The following RAD52 variants were observed in gnomAD, a reference collection of about 807,000 sequenced individuals.
RAD52 encodes RAD52 DNA repair protein, also known as DNA repair protein RAD52 homolog.
Under a neutral mutation model 55.5 loss-of-function variants are expected in RAD52, and 47 were observed. The ratio of observed to expected loss-of-function variants is 0.85; its 90% CI spans 0.67 to 1.08. The LOEUF is 1.08. Ranked by LOEUF, RAD52 falls within the 50% of genes least tolerant of loss-of-function variation. The probability of loss-of-function intolerance (pLI) is 0.00; values close to 1 mark genes in which losing one functional copy is unlikely to be tolerated. For missense variants in RAD52, 468 were observed against 522.8 expected, an observed-to-expected ratio of 0.90 and a Z score of 1.02; for synonymous variants, 184 against 198.9, an observed-to-expected ratio of 0.92 and a Z score of 0.63.
intron 1 of RAD52, among the ~76,000 whole-genome samples, chr12:946,717 CTTAT>C (rs1378876784): frequency 1.3e-5 from 2 of 152,158 alleles, no homozygotes; most frequent in African/African-American, 4.8e-5. Context: ...CAAAATAACA[CTTAT>C]GAACAGTTTT....
At chr12:981,439 A>C (rs1959013724) in intron 1 of RAD52, among the ~76,000 whole-genome samples, 2 of 152,176 alleles carry the variant, frequency 1.3e-5, no homozygotes, top group Non-Finnish European at 2.9e-5. Context: ...ATTCTGCGGC[A>C]AAGTTCCTTT....
intron 1 of RAD52, among the ~76,000 whole-genome samples, chr12:973,165 GT>G: frequency 6.6e-6 from 1 of 152,196 alleles, no homozygotes; most frequent in Middle Eastern, 3.4e-3. Flanking sequence ...CCCCTCCCGG[GT>G]TGACACCATT....
chr12:981,672 G>A (rs569745531), intron 1 of RAD52, among the ~76,000 whole-genome samples: 3 of 151,542 alleles, frequency 2.0e-5, no homozygotes, highest in South Asian at 2.1e-4. Flanking sequence ...CAGGATAATC[G>A]CTCGAGCCCA....
At chr12:936,847 C>G (rs927534082) in intron 1 of RAD52, 4 of 152,206 alleles carry the variant, frequency 2.6e-5, no homozygotes, top group African/African-American at 9.7e-5. Flanking sequence ...GTCCTTGAGG[C>G]CCTTGGTCAC....
chr12:940,589 G>C (rs535356804), intron 1 of RAD52, among the ~76,000 whole-genome samples: 4 of 151,846 alleles, frequency 2.6e-5, no homozygotes, highest in Non-Finnish European at 4.4e-5. Context: ...CTCCAGCCTG[G>C]AGACAGAGCA....
chr12:935,722 G>A (rs113654178), intron 1 of RAD52, among the ~76,000 whole-genome samples: 21,125 of 151,292 alleles, frequency 0.14, 1,656 homozygotes, highest in East Asian at 0.36. Flanking sequence ...GTGTGGTGGT[G>A]CATGCCTGTA....
Position 932,833 on chromosome 12 carries a change from CGT to C in RAD52, c.84+140_84+141del, listed in dbSNP as rs1233792958. 1.0e-3 allele frequency: 653 copies of C among 645,416 alleles called. 10 individuals are homozygous for C. The East Asian group carries it at 0.014, about 14-fold the overall frequency. The allele number at this position is 645,416 out of a possible 1,614,324, so 40.0% of individuals were successfully genotyped here. A position where few individuals can be genotyped will look rare whatever the true frequency, so the allele number is the denominator to read the frequency against. ...ACTGCTCACACACGTACTAGGTAAA[CGT>C]ACTAGGTACTGCTCACACACGTACT... On this transcript the variant is annotated intron_variant, in intron 2 of 11. Transcript: ENST00000358495.
chr12:958,758 G>T (rs1172750597), intron 1 of RAD52, among the ~76,000 whole-genome samples: 1 of 152,328 alleles, frequency 6.6e-6, no homozygotes, highest in East Asian at 1.9e-4. Flanking sequence ...GGGTCCTGCA[G>T]GGTGCGTGTG....
At chr12:949,891 G>A (rs1296378348), upstream of RAD52, among the ~76,000 whole-genome samples, 2 of 152,318 alleles carry the variant, frequency 1.3e-5, no homozygotes, top group East Asian at 1.9e-4. Context: ...CGCTCGCCCT[G>A]CCGCTTCCCT....
At position 964,957 on chromosome 12, in the gene RAD52, G is replaced by A. The variant is rs970612207; in HGVS notation, c.-19+24852C>T. Among the ~76,000 whole-genome samples the A allele has an allele frequency of 1.7e-4, 4 of 23,802 alleles. No individual in the cohort carries two copies. In the Admixed American group the frequency reaches 2.2e-3, roughly 13 times the overall value. The allele number at this position is 23,802 out of a possible 152,430, so 15.6% of individuals were successfully genotyped here. On this transcript the variant is annotated intron_variant, in intron 1 of 11. Transcript: ENST00000430095. ...GTATTATACTCATCTTTGCCTGCCC[G>A]CCTGCCTGCCTTCCTTCCTTCCTTT...
rs1010012101 is a variant in RAD52, at chr12:927,814, C to T, written c.349-551G>A. On this transcript the variant is annotated intron_variant, in intron 5 of 11. Coordinates refer to ENST00000358495, the MANE Select transcript of RAD52 (RefSeq NM_134424.4). ...CTGGGAGGCAGAGGTTGCAGTGAGC[C>T]GAGATTGCACCACTGCACTCCAGCC... is the stretch of plus-strand genomic sequence containing the variant. Among the ~76,000 whole-genome samples the T allele has an allele frequency of 5.9e-5, 9 of 151,610 alleles. No individual in the cohort carries two copies. In the East Asian group the frequency reaches 1.2e-3, roughly 20 times the overall value.
At chr12:956,039 G>A (rs527736928) in intron 1 of RAD52, among the ~76,000 whole-genome samples, 2 of 152,308 alleles carry the variant, frequency 1.3e-5, no homozygotes, top group South Asian at 2.1e-4. Flanking sequence ...ATTGATCTAA[G>A]TTCATTGTAG....
At chr12:948,370 T>C (rs1958372641) in intron 1 of RAD52, among the ~76,000 whole-genome samples, 1 of 152,200 alleles carries the variant, frequency 6.6e-6, no homozygotes, top group Non-Finnish European at 1.5e-5. Flanking sequence ...CACAACCTTG[T>C]GAATATATTA....
At chr12:952,588 T>C (rs1169512855), upstream of RAD52, among the ~76,000 whole-genome samples, 1 of 151,936 alleles carries the variant, frequency 6.6e-6, no homozygotes, top group Non-Finnish European at 1.5e-5. Context: ...CTCTTCAATA[T>C]AATTGCTGTT....
intron 6 of RAD52, among the ~76,000 whole-genome samples, chr12:925,822 C>T (rs934585044): frequency 4.0e-5 from 6 of 149,902 alleles, no homozygotes; most frequent in Admixed American, 2.7e-4. Context: ...ACATGGAGAA[C>T]AAACTGCAGA....
At chr12:926,204 G>A (rs1006340117) in intron 6 of RAD52, among the ~76,000 whole-genome samples, 1 of 152,076 alleles carries the variant, frequency 6.6e-6, no homozygotes, top group South Asian at 2.1e-4. Flanking sequence ...GTGGTTTTGA[G>A]TGTGGGGGCT....
chr12:940,959 CAGA>C (rs1251116010), intron 1 of RAD52, among the ~76,000 whole-genome samples: 3 of 152,116 alleles, frequency 2.0e-5, no homozygotes, highest in East Asian at 1.9e-4. Flanking sequence ...AACTCACATA[CAGA>C]AGAAGTGAAA....
At chr12:969,293 A>T (rs1421528684) in intron 1 of RAD52, among the ~76,000 whole-genome samples, 2 of 152,060 alleles carry the variant, frequency 1.3e-5, no homozygotes, top group Non-Finnish European at 2.9e-5. Flanking sequence ...ACACCAGTCA[A>T]AGAATTATTT....
chr12:935,755 A>G (rs1957580417), intron 1 of RAD52, among the ~76,000 whole-genome samples: 2 of 151,576 alleles, frequency 1.3e-5, no homozygotes, highest in African/African-American at 4.8e-5. Flanking sequence ...CAGGAGGCTG[A>G]GGCAAGAGAA....
Sources: gnomAD v4.1 joint callset for allele counts (sites outside exome capture counted in the v4.1 genomes callset) on GRCh38, gnomAD v4.1.1 for gene constraint, MANE v1.5 for transcripts, NCBI Gene and HGNC (gene_info 2026-07-23, HGNC 2026-07-21) for gene names.